Variants in MTFR1 observed in about 807,000 individuals in gnomAD.
MTFR1 encodes mitochondrial fission regulator 1, also known as chondrocyte protein with a poly-proline region.
MTFR1 carries 28 observed loss-of-function variants against 38.8 expected under a neutral mutation model. The observed-to-expected ratio is 0.72, with a 90% CI of 0.53 to 0.99. MTFR1 has a LOEUF of 0.99. Ranked by LOEUF, MTFR1 falls within the 50% of genes least tolerant of loss-of-function variation. The pLI is 0.00. For synonymous variants in MTFR1, 145 were observed against 137.0 expected (o/e 1.06, Z -0.41); for missense variants, 358 against 395.5 (o/e 0.91, Z 0.81).
At chr8:65,761,910 C>G (rs890298394) in intron 3 of MTFR1, among the ~76,000 whole-genome samples, 2 of 152,188 alleles carry the variant, frequency 1.3e-5, no homozygotes, top group Non-Finnish European at 2.9e-5. Flanking sequence ...TCCACAGATT[C>G]TTTTCTATCA....
chr8:65,648,850 GTCTT>G (rs754028275), intron 1 of MTFR1, among the ~76,000 whole-genome samples: 10 of 152,008 alleles, frequency 6.6e-5, no homozygotes, highest in Non-Finnish European at 1.5e-4. Context: ...TAGGGACAGA[GTCTT>G]TCTTTGTTGC....
At chr8:65,670,506 G>A (rs150846691) in intron 2 of MTFR1, among the ~76,000 whole-genome samples, 1,619 of 152,150 alleles carry the variant, frequency 0.011, 11 homozygotes, top group Non-Finnish European at 0.018. Flanking sequence ...TTTTTACCTT[G>A]ACATTTTTTA....
intron 3 of MTFR1, among the ~76,000 whole-genome samples, chr8:65,748,015 G>A (rs1006824975): frequency 1.3e-5 from 2 of 151,402 alleles, no homozygotes; most frequent in Non-Finnish European, 2.9e-5. Context: ...TTCAATGAAA[G>A]AACTAAGGAT....
At chr8:65,715,380 T>A (rs1806091660), downstream of MTFR1, among the ~76,000 whole-genome samples, 1 of 127,656 alleles carries the variant, frequency 7.8e-6, no homozygotes, top group African/African-American at 3.0e-5. Context: ...TATAAAAAAG[T>A]TTTTTTTTTT....
intron 4 of MTFR1, among the ~76,000 whole-genome samples, chr8:65,695,681 C>T (rs1046265894): frequency 1.3e-5 from 2 of 152,118 alleles, no homozygotes; most frequent in African/African-American, 2.4e-5. Context: ...TATAGGAAAA[C>T]AGATTGTTTT....
intron 3 of MTFR1, among the ~76,000 whole-genome samples, chr8:65,761,381 A>G (rs545283113): frequency 1.3e-5 from 2 of 152,274 alleles, no homozygotes; most frequent in East Asian, 3.9e-4. Context: ...CAATATTCTC[A>G]TGAGCTCACT....
chr8:65,752,398 T>C (rs1344169541), intron 3 of MTFR1, among the ~76,000 whole-genome samples: 2 of 152,222 alleles, frequency 1.3e-5, no homozygotes, highest in African/African-American at 4.8e-5. Context: ...TAATATATTA[T>C]TGAATGTTCA....
chr8:65,760,437 C>A (rs1808433699), intron 3 of MTFR1, among the ~76,000 whole-genome samples: 2 of 152,026 alleles, frequency 1.3e-5, no homozygotes, highest in Admixed American at 1.3e-4. Flanking sequence ...TGTACACAAC[C>A]TAATAGATTC....
intron 3 of MTFR1, among the ~76,000 whole-genome samples, chr8:65,754,180 T>C (rs562586912): frequency 6.6e-6 from 1 of 152,228 alleles, no homozygotes; most frequent in Non-Finnish European, 1.5e-5. Context: ...TAGGCCAGTC[T>C]AGTCTTTCCA....
chr8:65,718,995 A>C (rs1451666865), intron 2 of MTFR1: 1 of 406,818 alleles, frequency 2.5e-6, no homozygotes, highest in Non-Finnish European at 4.5e-6. Context: ...GCTTTGAAAA[A>C]GTCGTGGCAC....
At chr8:65,770,121 CTGTGTGTGTGTGTGTGTG>C (rs10608556) in intron 3 of MTFR1, among the ~76,000 whole-genome samples, 115 of 146,556 alleles carry the variant, frequency 7.8e-4, no homozygotes, top group African/African-American at 2.5e-3. Context: ...CAGTATACTT[CTGTGTGTGTGTGTGTGTG>C]TGTGTGTGTG....
intron 2 of MTFR1, among the ~76,000 whole-genome samples, chr8:65,670,724 A>G (rs576847024): frequency 6.7e-6 from 1 of 149,026 alleles, no homozygotes; most frequent in African/African-American, 2.5e-5. Context: ...TTTTTTTTGA[A>G]CAGGGAGTCT....
chr8:65,721,390 G>C (rs935443707), intron 3 of MTFR1, among the ~76,000 whole-genome samples: 3 of 152,210 alleles, frequency 2.0e-5, no homozygotes, highest in African/African-American at 7.2e-5. Context: ...GAGTTGTTAA[G>C]AGGCTGGGAT....
At chr8:65,655,951 A>AATATATATATATATGTAT (rs1554545337) in intron 1 of MTFR1, among the ~76,000 whole-genome samples, 4 of 55,404 alleles carry the variant, frequency 7.2e-5, no homozygotes, top group Non-Finnish European at 9.3e-5. Context: ...TAAAAAAAAA[A>AATATATATATATATGTAT]ATATATATAT....
At chr8:65,708,810 T>C (rs1432257615) in intron 7 of MTFR1, among the ~76,000 whole-genome samples, 166 bp from the exon 8 acceptor site, 1 of 152,260 alleles carries the variant, frequency 6.6e-6, no homozygotes, top group Non-Finnish European at 1.5e-5. Context: ...ATATGTTCTG[T>C]GTTCATAACA....
In MTFR1 at chr8:65,662,342, C is replaced by T. The variant is rs1429627117; in HGVS notation, c.-80-7531C>T. On this transcript the variant is annotated intron_variant, in intron 1 of 7. Coordinates refer to ENST00000262146, the MANE Select transcript of MTFR1 (RefSeq NM_014637.4). ...CTCCAGCTCCTAACCGCGAGTGATCCGCCAGCCTCGGCCTCCCGAGGTGCC... is the reference window on the plus strand; with the variant it reads ...CTCCAGCTCCTAACCGCGAGTGATCTGCCAGCCTCGGCCTCCCGAGGTGCC... 3.3e-5 allele frequency among the ~76,000 whole-genome samples: 5 copies of T among 152,112 alleles called. No individual in the cohort carries two copies. The East Asian group carries it at 5.8e-4, about 18-fold the overall frequency.
chr8:65,745,287 C>G (rs879868707), intron 3 of MTFR1: 7 of 698,200 alleles, frequency 1.0e-5, no homozygotes, highest in African/African-American at 9.0e-5. Context: ...CTAATACACT[C>G]TCTTCCAGCA....
chr8:65,763,565 CAA>C (rs10706103), intron 3 of MTFR1, among the ~76,000 whole-genome samples: 4 of 147,264 alleles, frequency 2.7e-5, no homozygotes, highest in Admixed American at 2.7e-4. Context: ...AACTCCGTCT[CAA>C]AAAAAAAAAG....
chr8:65,680,611 C>G (rs1370248774), intron 2 of MTFR1, among the ~76,000 whole-genome samples: 1 of 152,140 alleles, frequency 6.6e-6, no homozygotes, highest in African/African-American at 2.4e-5. Context: ...GGAGCCTCCA[C>G]TGTTTACAGT....
Sources: gnomAD v4.1 joint callset for allele counts (sites outside exome capture counted in the v4.1 genomes callset) on GRCh38, gnomAD v4.1.1 for gene constraint, MANE v1.5 for transcripts, NCBI Gene and HGNC (gene_info 2026-07-23, HGNC 2026-07-21) for gene names.